FSTL5: variants seen among roughly 807,000 people sequenced by gnomAD.
FSTL5 encodes follistatin like 5, also known as follistatin-related protein 5.
In FSTL5, 62 loss-of-function variants were observed where a neutral mutation model predicts 89.1. That is an observed-to-expected ratio of 0.70 (90% CI 0.57 to 0.86). The LOEUF is 0.86. FSTL5 is among the 40% of genes least tolerant of loss of function. The pLI, the probability that FSTL5 is intolerant of heterozygous loss-of-function variation, is 0.00. For missense variants in FSTL5, 1,057 were observed against 1,001.6 expected (o/e 1.06, Z -0.75); for synonymous variants, 383 against 346.2 (o/e 1.11, Z -1.18).
chr4:162,103,384 C>T (rs1385574335), intron 2 of FSTL5, among the ~76,000 whole-genome samples: 1 of 152,200 alleles, frequency 6.6e-6, no homozygotes, highest in African/African-American at 2.4e-5. Context: ...GTGCACACAG[C>T]ATTTAGCTTT....
chr4:161,555,361 C>T (rs1353905964), intron 8 of FSTL5, among the ~76,000 whole-genome samples: 1 of 151,196 alleles, frequency 6.6e-6, no homozygotes, highest in Non-Finnish European at 1.5e-5. Flanking sequence ...ATAACAAAAG[C>T]GTTTCAGATG....
intron 6 of FSTL5, among the ~76,000 whole-genome samples, chr4:161,697,188 G>A (rs921613316): frequency 1.1e-4 from 16 of 152,160 alleles, no homozygotes; most frequent in African/African-American, 3.9e-4. Context: ...AAGGTTGCCT[G>A]CCATGGGACT....
Position 161,386,200 on chromosome 4 carries a change from T to G in FSTL5, c.2091A>C (p.Pro697=). ...GGTAGTGGCCATCTGGAGAGACATA[T>G]GGAGTGCCCGTCACATCACTATTGA... ...IGFNSDVTGT[P]YVSPDGHYLV... The change falls in exon 16 of 16, where the codon CCA becomes CCC. Residue 697 remains proline, a synonymous_variant. Coordinates refer to ENST00000306100, the MANE Select transcript of FSTL5 (RefSeq NM_020116.5). 1 of 1,614,006 alleles carries G rather than the reference T, an allele frequency of 6.2e-7. No homozygotes were observed.
At chr4:161,524,688 G>A (rs1258914096) in intron 10 of FSTL5, among the ~76,000 whole-genome samples, 3 of 152,052 alleles carry the variant, frequency 2.0e-5, no homozygotes, top group Non-Finnish European at 4.4e-5. Context: ...GCCTGGGAAC[G>A]GTGGCTCACG....
intron 2 of FSTL5, among the ~76,000 whole-genome samples, chr4:162,072,142 ATC>A (rs1027267489): frequency 1.3e-5 from 2 of 151,844 alleles, no homozygotes; most frequent in African/African-American, 4.8e-5. Flanking sequence ...ATATATAATT[ATC>A]TGTTATCCAT....
At chr4:161,669,279 T>C (rs934918053) in intron 6 of FSTL5, among the ~76,000 whole-genome samples, 1 of 152,146 alleles carries the variant, frequency 6.6e-6, no homozygotes. Flanking sequence ...CAAGTCATTT[T>C]GTGGATATCA....
At chr4:161,848,303 T>C (rs1731440810) in intron 4 of FSTL5, among the ~76,000 whole-genome samples, 1 of 152,102 alleles carries the variant, frequency 6.6e-6, no homozygotes. Flanking sequence ...AGGAGGCTGA[T>C]TTCTTGATTA....
At chr4:161,763,724 G>A (rs1371164275) in intron 5 of FSTL5, among the ~76,000 whole-genome samples, 1 of 152,118 alleles carries the variant, frequency 6.6e-6, no homozygotes, top group Non-Finnish European at 1.5e-5. Flanking sequence ...TCATGATCAT[G>A]TTGAAGTCAT....
intron 8 of FSTL5, among the ~76,000 whole-genome samples, chr4:161,556,955 C>T (rs777383551): frequency 8.7e-5 from 13 of 149,866 alleles, no homozygotes; most frequent in South Asian, 2.1e-4. Flanking sequence ...ACTGATAAAC[C>T]GAGAGTTATA....
intron 4 of FSTL5, among the ~76,000 whole-genome samples, chr4:161,810,033 C>A (rs1405940376): frequency 6.6e-6 from 1 of 151,788 alleles, no homozygotes; most frequent in Non-Finnish European, 1.5e-5. Context: ...ATTGGTGAGC[C>A]TAGACAAATT....
intron 6 of FSTL5, among the ~76,000 whole-genome samples, chr4:161,715,489 C>A (rs947051063): frequency 6.6e-6 from 1 of 152,058 alleles, no homozygotes; most frequent in Non-Finnish European, 1.5e-5. Context: ...ATCTTCCTGA[C>A]TTTTAGACAG....
intron 6 of FSTL5, among the ~76,000 whole-genome samples, chr4:161,700,711 A>G (rs1023076036): frequency 6.6e-6 from 1 of 152,142 alleles, no homozygotes; most frequent in African/African-American, 2.4e-5. Context: ...GCAGAAACTG[A>G]CAATCTGCTA....
chr4:161,505,886 A>C (rs1000599072), intron 11 of FSTL5, among the ~76,000 whole-genome samples: 1 of 152,192 alleles, frequency 6.6e-6, no homozygotes, highest in South Asian at 2.1e-4. Context: ...TGAACTGGCC[A>C]GTAGAAATAA....
chr4:161,927,154 TAATA>T (rs1448924878), intron 3 of FSTL5, among the ~76,000 whole-genome samples: 1 of 151,750 alleles, frequency 6.6e-6, no homozygotes, highest in Admixed American at 6.6e-5. Flanking sequence ...TTGATCTAGA[TAATA>T]AATAGGAAAA....
intron 6 of FSTL5, among the ~76,000 whole-genome samples, chr4:161,730,611 T>C (rs1404528388): frequency 6.6e-6 from 1 of 152,192 alleles, no homozygotes; most frequent in East Asian, 1.9e-4. Flanking sequence ...GCTGCTGTTA[T>C]AATCTATGTT....
At chr4:161,701,332 G>A (rs892213199) in intron 6 of FSTL5, among the ~76,000 whole-genome samples, 6 of 152,130 alleles carry the variant, frequency 3.9e-5, no homozygotes, top group African/African-American at 1.2e-4. Context: ...TTTCATTCAT[G>A]TGGGTGACAA....
At chr4:161,477,877 C>A (rs1729347914) in intron 13 of FSTL5, among the ~76,000 whole-genome samples, 1 of 151,848 alleles carries the variant, frequency 6.6e-6, no homozygotes, top group Admixed American at 6.6e-5. Context: ...ATACATTTTG[C>A]CTCTCTCTAA....
intron 3 of FSTL5, among the ~76,000 whole-genome samples, chr4:161,992,860 AAATATATATATATATAT>A (rs1736155055): frequency 6.6e-4 from 7 of 10,644 alleles, no homozygotes; most frequent in African/African-American, 1.7e-3. Flanking sequence ...AAAAAAAAAA[AAATATATATATATATAT>A]ATATATATAT....
intron 4 of FSTL5, among the ~76,000 whole-genome samples, chr4:161,884,941 T>C (rs1732752639): frequency 6.6e-6 from 1 of 152,092 alleles, no homozygotes; most frequent in African/African-American, 2.4e-5. Context: ...TTGCTCTTCA[T>C]CTCAATTTTA....
Sources: gnomAD v4.1 joint callset for allele counts (sites outside exome capture counted in the v4.1 genomes callset) on GRCh38, gnomAD v4.1.1 for gene constraint, MANE v1.5 for transcripts, NCBI Gene and HGNC (gene_info 2026-07-23, HGNC 2026-07-21) for gene names.